Variants in RGS7 observed in about 807,000 individuals in gnomAD.
RGS7 encodes the protein regulator of G protein signaling 7.
A neutral mutation model predicts 81.1 loss-of-function variants in RGS7; 27 were observed. That is an observed-to-expected ratio of 0.33 (90% confidence interval 0.25 to 0.46). The LOEUF is 0.46. Ranked by LOEUF, RGS7 falls within the 20% of genes least tolerant of loss-of-function variation. RGS7 has a pLI of 1.00. For synonymous variants in RGS7, 208 were observed against 207.7 expected (o/e 1.00, Z -0.01); for missense variants, 396 against 607.4 (o/e 0.65, Z 3.66).
intron 2 of RGS7, among the ~76,000 whole-genome samples, chr1:241,183,471 C>T (rs1409632620): frequency 6.6e-6 from 1 of 152,150 alleles, no homozygotes; most frequent in East Asian, 1.9e-4. Context: ...TGCTCTGTCT[C>T]GCAGCTGACA....
intron 3 of RGS7, among the ~76,000 whole-genome samples, chr1:241,095,734 T>C (rs1217358326): frequency 6.6e-6 from 1 of 152,206 alleles, no homozygotes; most frequent in Non-Finnish European, 1.5e-5. Flanking sequence ...TTTTGAGTAA[T>C]TAACATATCC....
chr1:241,047,252 T>C (rs548178919), intron 3 of RGS7, among the ~76,000 whole-genome samples: 13 of 152,276 alleles, frequency 8.5e-5, no homozygotes, highest in East Asian at 7.7e-4. Flanking sequence ...CTGGGAAACA[T>C]AGGATGCTCC....
rs188198023 is a variant in RGS7 at position 240,851,949 on chromosome 1, G to C, written c.609+16638C>G. Among the ~76,000 whole-genome samples the C allele has an allele frequency of 3.9e-3, 589 of 152,226 alleles. 4 individuals are homozygous for C. Among genetic ancestry groups the C allele is most frequent in the Non-Finnish European group, 6.6e-3 (451 of 68,012 alleles). On this transcript the variant is annotated intron_variant, in intron 9 of 18. Transcript: ENST00000440928. Reference sequence around the variant, plus strand: ...GATGAAATCTACTTCCGGTGAAGATGGTGTGAACATTGTTGAAATAACAAC... The same window carrying C: ...GATGAAATCTACTTCCGGTGAAGATCGTGTGAACATTGTTGAAATAACAAC...
At chr1:241,159,003 G>C (rs1441911201) in intron 2 of RGS7, among the ~76,000 whole-genome samples, 4 of 152,216 alleles carry the variant, frequency 2.6e-5, no homozygotes, top group African/African-American at 4.8e-5. Flanking sequence ...TAGCACCCAA[G>C]AGTTTGTGCC....
intron 6 of RGS7, among the ~76,000 whole-genome samples, chr1:240,889,110 C>T (rs1179648687): frequency 6.6e-6 from 1 of 152,072 alleles, no homozygotes; most frequent in Non-Finnish European, 1.5e-5. Flanking sequence ...GCGCCCGCCA[C>T]CACGCCCGGG....
In RGS7 at chr1:241,355,738, C is replaced by A. The variant is rs1345693768; in HGVS notation, c.39G>T (p.Gly13=). The change falls in exon 2 of 19, where the codon GGG becomes GGT. Residue 13 remains glycine (G), a synonymous_variant. Coordinates refer to ENST00000440928, the MANE Select transcript of RGS7 (RefSeq NM_001364886.1). ...GCATGTTGGGTGATTCATCGGCCAC[C>A]CCGTTGCTGGTCTGCCCATAATTAT... The part of the protein sequence containing the change: ...QGNNYGQTSN[G]VADESPNMLV... 2 of 1,614,010 alleles carry A rather than the reference C, an allele frequency of 1.2e-6. No individual in the cohort carries two copies. Among genetic ancestry groups the A allele is most frequent in the African/African-American group, 2.7e-5 (2 of 74,904 alleles).
At chr1:240,783,770 A>G (rs1684530582) in intron 18 of RGS7, among the ~76,000 whole-genome samples, 1 of 152,078 alleles carries the variant, frequency 6.6e-6, no homozygotes, top group Non-Finnish European at 1.5e-5. Context: ...CATTAGGGAG[A>G]TGGAAGCAAC....
intron 2 of RGS7, among the ~76,000 whole-genome samples, chr1:241,186,648 C>T (rs1442976386): frequency 3.3e-5 from 5 of 151,522 alleles, no homozygotes; most frequent in Admixed American, 2.6e-4. Context: ...CTCAGCCTCC[C>T]AAGTAGCTGG....
chr1:241,089,907 T>C (rs1361548002), intron 3 of RGS7, among the ~76,000 whole-genome samples: 1 of 145,984 alleles, frequency 6.9e-6, no homozygotes, highest in Non-Finnish European at 1.5e-5. Context: ...GGCAGGAGAA[T>C]GGCGTGAACC....
intron 3 of RGS7, among the ~76,000 whole-genome samples, chr1:241,084,501 T>C (rs1342589003): frequency 2.0e-5 from 3 of 152,132 alleles, no homozygotes; most frequent in Non-Finnish European, 4.4e-5. Context: ...GCTGAGAAGA[T>C]AGAACAGTGA....
intron 2 of RGS7, among the ~76,000 whole-genome samples, chr1:241,149,640 C>T (rs1347375123): frequency 6.6e-6 from 1 of 152,178 alleles, no homozygotes; most frequent in Non-Finnish European, 1.5e-5. Context: ...TAGCTGTTAA[C>T]TCTTGGTTAA....
At chr1:241,078,870 T>C (rs2062976186) in intron 3 of RGS7, among the ~76,000 whole-genome samples, 1 of 152,104 alleles carries the variant, frequency 6.6e-6, no homozygotes, top group Admixed American at 6.6e-5. Context: ...ATGTTCTCAT[T>C]TGCAACGGGA....
chr1:241,049,581 T>G (rs557967327), intron 3 of RGS7, among the ~76,000 whole-genome samples: 1 of 152,294 alleles, frequency 6.6e-6, no homozygotes, highest in Non-Finnish European at 1.5e-5. Context: ...GTGGACAACT[T>G]TTGTAATATA....
chr1:241,214,870 T>A (rs2147947034), intron 2 of RGS7, among the ~76,000 whole-genome samples: 1 of 152,278 alleles, frequency 6.6e-6, no homozygotes, highest in South Asian at 2.1e-4. Context: ...TAAATTTTTC[T>A]TATTTTTCTT....
intron 6 of RGS7, among the ~76,000 whole-genome samples, chr1:240,879,133 G>A (rs902577423): frequency 1.3e-5 from 2 of 152,128 alleles, no homozygotes; most frequent in African/African-American, 4.8e-5. Flanking sequence ...CTTGAGAGAG[G>A]TGCATTAAAG....
At chr1:240,923,678 A>G (rs1208103228) in intron 6 of RGS7, among the ~76,000 whole-genome samples, 1 of 151,364 alleles carries the variant, frequency 6.6e-6, no homozygotes, top group Non-Finnish European at 1.5e-5. Context: ...TAAAACAAGC[A>G]ACTGTGTAAA....
chr1:241,004,061 A>G (rs992345946), intron 3 of RGS7, among the ~76,000 whole-genome samples: 1 of 152,204 alleles, frequency 6.6e-6, no homozygotes, highest in African/African-American at 2.4e-5. Context: ...TCTGCTGGGC[A>G]CTGCGAGGGA....
At chr1:241,058,283 T>C (rs1284127151) in intron 3 of RGS7, among the ~76,000 whole-genome samples, 1 of 152,180 alleles carries the variant, frequency 6.6e-6, no homozygotes. Context: ...GTAAACACAC[T>C]GCCCATGCTC....
chr1:241,291,703 C>T (rs1381898147), intron 2 of RGS7, among the ~76,000 whole-genome samples: 2 of 151,458 alleles, frequency 1.3e-5, no homozygotes, highest in African/African-American at 2.4e-5. Context: ...CTCAGCCTCC[C>T]GAGTAGCTGA....
Sources: allele counts gnomAD v4.1 joint callset (sites outside exome capture counted in the v4.1 genomes callset), GRCh38; gene constraint gnomAD v4.1.1; transcripts MANE v1.5; gene names NCBI Gene and HGNC (gene_info 2026-07-23, HGNC 2026-07-21).